CLASP2: variants seen among roughly 807,000 people sequenced by gnomAD.
The protein encoded by CLASP2 is cytoplasmic linker associated protein 2, also known as CLIP-associating protein 2.
CLASP2 carries 47 observed loss-of-function variants against 194.4 expected under a neutral mutation model. The observed-to-expected ratio is 0.24, with a 90% confidence interval of 0.19 to 0.31. The LOEUF (loss-of-function observed/expected upper bound fraction) is 0.31. CLASP2 is among the 10% of genes least tolerant of loss of function. The probability of loss-of-function intolerance (pLI) is 1.00; values close to 1 mark genes in which losing one functional copy is unlikely to be tolerated. For synonymous variants in CLASP2, 619 were observed against 633.5 expected (o/e 0.98, Z 0.34); for missense variants, 1,445 against 1,823.6 (o/e 0.79, Z 3.78).
Position 33,627,029 on chromosome 3 carries a change from A to C in CLASP2, c.994T>G (p.Leu332Val). The C allele has an allele frequency of 6.3e-7, 1 of 1,597,608 alleles. No individual in the cohort carries two copies. The highest frequency in any genetic ancestry group is 8.5e-7 in the Non-Finnish European group (1 of 1,170,638). The stretch of plus-strand genomic sequence containing the variant: ...TCCCAGTCATGTTTATCATCTGACA[A>C]AATTTCCCTGATTTTATTTAATGTT... ...EETLNKIREI[L>V]SDDKHDWDQR... Residue 332 changes from leucine to valine, a missense_variant, in exon 10 of 39, where the codon TTG becomes GTG. Coordinates refer to ENST00000682230, the MANE Select transcript of CLASP2 (RefSeq NM_001365631.1).
At chr3:33,593,389 T>C (rs2069314324) in intron 20 of CLASP2, among the ~76,000 whole-genome samples, 1 of 152,216 alleles carries the variant, frequency 6.6e-6, no homozygotes, top group South Asian at 2.1e-4. Flanking sequence ...GAATTATTTT[T>C]AGATAAAAGA....
intron 34 of CLASP2, among the ~76,000 whole-genome samples, chr3:33,527,324 T>G (rs574484026): frequency 1.8e-4 from 28 of 152,122 alleles, no homozygotes; most frequent in Non-Finnish European, 2.9e-5. Flanking sequence ...CATCAGAAAC[T>G]ACTACGAACA....
intron 20 of CLASP2, 172 bp from the exon 21 acceptor site, chr3:33,592,668 G>A (rs1005900083): frequency 1.2e-5 from 8 of 657,284 alleles, no homozygotes; most frequent in African/African-American, 5.5e-5. Flanking sequence ...TTTTTTTTAC[G>A]TGTTATACCA....
chr3:33,682,458 A>T (rs1051175750), intron 6 of CLASP2, among the ~76,000 whole-genome samples: 1 of 152,224 alleles, frequency 6.6e-6, no homozygotes, highest in African/African-American at 2.4e-5. Context: ...TAGGTAAATG[A>T]AGGTTCATTA....
At chr3:33,583,700 A>C (rs2154214338) in intron 22 of CLASP2, among the ~76,000 whole-genome samples, 1 of 152,382 alleles carries the variant, frequency 6.6e-6, no homozygotes, top group South Asian at 2.1e-4. Context: ...TGACGAAACA[A>C]GAAATAGAAA....
At chr3:33,677,612 A>C (rs2088980511) in intron 6 of CLASP2, among the ~76,000 whole-genome samples, 1 of 150,192 alleles carries the variant, frequency 6.7e-6, no homozygotes, top group Admixed American at 6.6e-5. Context: ...CTAGATGACG[A>C]GTTAGTGGGT....
chr3:33,577,144 A>AAC, intron 23 of CLASP2: 1 of 1,229,774 alleles, frequency 8.1e-7, no homozygotes, highest in South Asian at 1.3e-5. Flanking sequence ...ATGGAAACTG[A>AAC]AAAGGATAAA....
intron 36 of CLASP2, chr3:33,514,579 C>A (rs757380538): frequency 2.5e-5 from 5 of 202,420 alleles, no homozygotes; most frequent in South Asian, 7.4e-5. Flanking sequence ...ACCATAGATA[C>A]CTAATGCTAT....
chr3:33,551,887 C>T (rs2060056640), intron 29 of CLASP2, among the ~76,000 whole-genome samples: 1 of 150,320 alleles, frequency 6.7e-6, no homozygotes, highest in Admixed American at 6.6e-5. Flanking sequence ...AACCAAAGTG[C>T]TTTGGAAATA....
chr3:33,665,102 C>CA (rs201253172), intron 6 of CLASP2, among the ~76,000 whole-genome samples: 1,874 of 113,946 alleles, frequency 0.016, 22 homozygotes, highest in East Asian at 0.096. Flanking sequence ...GATTTTGTCT[C>CA]AAAAAAAAAA....
At chr3:33,554,359 C>G (rs556750168) in intron 29 of CLASP2, among the ~76,000 whole-genome samples, 3 of 151,816 alleles carry the variant, frequency 2.0e-5, no homozygotes, top group Admixed American at 6.6e-5. Context: ...TTTGTGATAA[C>G]GAAGATGAAC....
intron 17 of CLASP2, among the ~76,000 whole-genome samples, chr3:33,603,631 TA>T (rs1371021716): frequency 6.6e-6 from 1 of 152,200 alleles, no homozygotes. Flanking sequence ...TTATTTATTT[TA>T]TTTTTTTTGA....
chr3:33,591,787 A>G lies in CLASP2; in HGVS notation c.2068+608T>C, dbSNP rs563027399. 2.0e-5 allele frequency among the ~76,000 whole-genome samples: 3 copies of G among 152,332 alleles called. No individual in the cohort carries two copies. In the East Asian group the frequency reaches 5.8e-4, roughly 29 times the overall value. On this transcript the variant is annotated intron_variant, in intron 21 of 38. Transcript: ENST00000682230. ...AAATCTTAAATTTAACATGAATGAA[A>G]CAGAATCAGTCATTTCAAATTATGT...
intron 36 of CLASP2, among the ~76,000 whole-genome samples, chr3:33,513,171 T>C (rs939395626): frequency 6.6e-6 from 1 of 152,198 alleles, no homozygotes; most frequent in Non-Finnish European, 1.5e-5. Context: ...TTAGGTATCA[T>C]TTTTAAACTT....
At chr3:33,663,197 CAAAA>C (rs60671856) in intron 7 of CLASP2, among the ~76,000 whole-genome samples, 4 of 100,768 alleles carry the variant, frequency 4.0e-5, no homozygotes, top group Non-Finnish European at 2.0e-5. Flanking sequence ...GCAGTATCAC[CAAAA>C]AAAAAAAAAA....
At chr3:33,564,489 C>T (rs2062322238) in intron 27 of CLASP2, among the ~76,000 whole-genome samples, 1 of 152,062 alleles carries the variant, frequency 6.6e-6, no homozygotes, top group African/African-American at 2.4e-5. Flanking sequence ...TCTGAGTTTC[C>T]TAAGTAGAAA....
chr3:33,560,507 T>G (rs2061646777), intron 28 of CLASP2, among the ~76,000 whole-genome samples: 2 of 152,140 alleles, frequency 1.3e-5, no homozygotes, highest in African/African-American at 4.8e-5. Context: ...CCTCCCAAAG[T>G]ACTAGGATTA....
At chr3:33,607,101 A>C (rs2074034243) in intron 15 of CLASP2, among the ~76,000 whole-genome samples, 1 of 152,236 alleles carries the variant, frequency 6.6e-6, no homozygotes, top group Non-Finnish European at 1.5e-5. Context: ...TACTTCAAAC[A>C]ATATCAGGTT....
chr3:33,498,854 T>G (rs1292820817), intron 38 of CLASP2, 137 bp from the exon 39 acceptor site: 1 of 446,376 alleles, frequency 2.2e-6, no homozygotes, highest in Non-Finnish European at 4.0e-6. Flanking sequence ...GCCCAAGTTA[T>G]TGTTGATAAT....
Sources: gnomAD v4.1 joint callset for allele counts (sites outside exome capture counted in the v4.1 genomes callset) on GRCh38, gnomAD v4.1.1 for gene constraint, MANE v1.5 for transcripts, NCBI Gene and HGNC (gene_info 2026-07-23, HGNC 2026-07-21) for gene names.